Variants in HIF1A observed in about 807,000 individuals in gnomAD.
The protein encoded by HIF1A is hypoxia inducible factor 1 subunit alpha.
HIF1A carries 24 observed loss-of-function variants against 92.7 expected under a neutral mutation model. The observed-to-expected ratio is 0.26, with a 90% CI of 0.19 to 0.36. The LOEUF is 0.36. Ranked by LOEUF, HIF1A falls within the 10% of genes least tolerant of loss-of-function variation. The pLI, the probability that HIF1A is intolerant of heterozygous loss-of-function variation, is 1.00. For synonymous variants in HIF1A, 319 were observed against 338.7 expected (o/e 0.94, Z 0.64); for missense variants, 799 against 998.5 (o/e 0.80, Z 2.69).
intron 10 of HIF1A, 115 bp downstream of exon 10, chr14:61,738,488 G>T: frequency 9.9e-7 from 1 of 1,012,176 alleles, no homozygotes; most frequent in Non-Finnish European, 1.5e-6. Flanking sequence ...TTGTGTGTGT[G>T]TTTGAATTTT....
intron 10 of HIF1A, 64 bp downstream of exon 10, chr14:61,738,437 A>G (rs2044665897): frequency 5.1e-6 from 7 of 1,366,434 alleles, no homozygotes; most frequent in East Asian, 2.3e-5. Context: ...GAATGTATTT[A>G]TAAGTTTGAT....
At chr14:61,737,176 A>C in intron 9 of HIF1A, 67 bp downstream of exon 9, 1 of 1,069,954 alleles carries the variant, frequency 9.3e-7, no homozygotes, top group Admixed American at 2.1e-5. Context: ...TCAACTAAAC[A>C]TTACTTTACG....
chr14:61,720,699 G>A (rs559565934), intron 2 of HIF1A, 127 bp downstream of exon 2: 2 of 481,712 alleles, frequency 4.2e-6, no homozygotes, highest in Non-Finnish European at 6.9e-6. Flanking sequence ...ATATGTACAC[G>A]TTTAAAAATT....
chr14:61,708,541 C>G (rs1407483934), intron 1 of HIF1A, among the ~76,000 whole-genome samples: 1 of 152,166 alleles, frequency 6.6e-6, no homozygotes, highest in Non-Finnish European at 1.5e-5. Flanking sequence ...GTTTTCCCAG[C>G]ACCATTTATT....
In HIF1A at chr14:61,695,811, G is replaced by A. The variant is rs763159088; in HGVS notation, c.7G>A (p.Gly3Ser). ...TCGCGGGGACCGATTCACCATGGAG[G>A]GCGCCGGCGGCGCGAACGACAAGAA... ME[G>S]AGGANDKKKI... The change falls in exon 1 of 15, where the codon GGC becomes AGC. Residue 3 changes from glycine (G) to serine (S), a missense_variant. This residue lies in a region of HIF1A where 516 missense variants were observed against 721.0 expected (regional missense o/e 0.72). Transcript: ENST00000337138. The A allele has an allele frequency of 1.2e-5, 19 of 1,595,814 alleles. No homozygotes were observed. The highest frequency in any genetic ancestry group is 1.8e-5 in the Admixed American group (1 of 56,460).
intron 4 of HIF1A, among the ~76,000 whole-genome samples, chr14:61,725,713 C>T (rs947573444): frequency 8.5e-5 from 13 of 152,134 alleles, no homozygotes; most frequent in Admixed American, 2.6e-4. Context: ...TAAGCCACTG[C>T]GCCCAGCAAG....
At chr14:61,746,224 CAAAA>C (rs912286333) in intron 14 of HIF1A, among the ~76,000 whole-genome samples, 4 of 69,440 alleles carry the variant, frequency 5.8e-5, no homozygotes. Context: ...GACTCTGCCT[CAAAA>C]AAAAAAAAAA....
intron 1 of HIF1A, among the ~76,000 whole-genome samples, chr14:61,706,685 G>A (rs1202377488): frequency 6.6e-6 from 1 of 152,148 alleles, no homozygotes; most frequent in Non-Finnish European, 1.5e-5. Context: ...TTGCTCTATG[G>A]ATTCCCAGGG....
intron 1 of HIF1A, 124 bp downstream of exon 1, chr14:61,695,963 G>C: frequency 1.2e-6 from 1 of 840,732 alleles, no homozygotes; most frequent in Non-Finnish European, 1.8e-6. Context: ...TGTTTCTGCT[G>C]CTGCTCCCCT....
chr14:61,700,085 T>C (rs2044161819), intron 1 of HIF1A, among the ~76,000 whole-genome samples: 1 of 152,164 alleles, frequency 6.6e-6, no homozygotes, highest in Admixed American at 6.5e-5. Flanking sequence ...TTTAAAATTT[T>C]TGTTTCATAA....
chr14:61,708,603 C>T (rs1236174538), intron 1 of HIF1A, among the ~76,000 whole-genome samples: 1 of 116,936 alleles, frequency 8.6e-6, no homozygotes, highest in Non-Finnish European at 2.1e-5. Flanking sequence ...TGTCAAAGAT[C>T]AGATGGTTGT....
intron 4 of HIF1A, among the ~76,000 whole-genome samples, chr14:61,726,007 A>G (rs2044498868): frequency 6.6e-6 from 1 of 151,562 alleles, no homozygotes; most frequent in Admixed American, 6.6e-5. Flanking sequence ...TTTAGTAGAG[A>G]CAGGGTTTCA....
rs2140153899 is a variant in HIF1A at position 61,738,226 on chromosome 14, A to C, written c.1389A>C (p.Arg463=). 6 of 1,614,142 alleles carry C rather than the reference A, an allele frequency of 3.7e-6. No individual in the cohort carries two copies. In the African/African-American group the frequency reaches 6.7e-5, roughly 18 times the overall value. Residue 463 remains arginine (R), a synonymous_variant, in exon 10 of 15, where the codon CGA becomes CGC. Coordinates refer to ENST00000337138, the MANE Select transcript of HIF1A (RefSeq NM_001530.4). The stretch of plus-strand genomic sequence containing the variant: ...CCGCTGAAACGCCAAAGCCACTTCG[A>C]AGTAGTGCTGACCCTGCACTCAATC... ...LPTAETPKPL[R]SSADPALNQE... is the part of the protein sequence containing the mutation.
chr14:61,720,358 GT>G, intron 1 of HIF1A, 23 bp from the exon 2 acceptor site: 1 of 1,569,674 alleles, frequency 6.4e-7, no homozygotes. Flanking sequence ...TCCATCTCGT[GT>G]TTTTCTTGTT....
Position 61,734,134 on chromosome 14 carries a change from C to A in HIF1A, c.881-4C>A. 1 of 1,545,382 alleles carries A rather than the reference C, an allele frequency of 6.5e-7. No homozygotes were observed. The highest frequency in any genetic ancestry group is 8.7e-7 in the Non-Finnish European group (1 of 1,148,432). On this transcript the variant is annotated splice_region_variant and splice_polypyrimidine_tract_variant and intron_variant, in intron 7 of 14. Transcript: ENST00000337138. ...TGCATGATTCTTTTTCTTTTCCCCC[C>A]TAGTGTTTACTAAAGGACAAGTCAC... is the stretch of plus-strand genomic sequence containing the variant.
intron 1 of HIF1A, among the ~76,000 whole-genome samples, chr14:61,719,611 G>A (rs190579655): frequency 6.6e-6 from 1 of 152,294 alleles, no homozygotes; most frequent in African/African-American, 2.4e-5. Flanking sequence ...GTGTGACAAT[G>A]AAAATCTTTC....
rs749595399 is a variant in HIF1A, at chr14:61,741,022, T to G, written c.1927T>G (p.Ser643Ala). 3.7e-6 allele frequency: 6 copies of G among 1,614,078 alleles called. No individual in the cohort carries two copies. Among genetic ancestry groups the G allele is most frequent in the Non-Finnish European group, 5.1e-6 (6 of 1,179,988 alleles). The change falls in exon 12 of 15, where the codon TCT (serine) becomes GCT (alanine). Residue 643 changes from serine (S) to alanine (A), a missense_variant. Physicochemically the swap from Ser to Ala is moderately conservative, Grantham distance 99. Around this residue, in one of 2 missense-constraint regions of HIF1A, gnomAD observed 283 missense variants for 277.5 expected, o/e 1.02. Transcript: ENST00000337138. ...EDIKILIASP[S>A]PTHIHKETTS... ...CATTAAAATATTGATTGCATCTCCATCTCCTACCCACATACATAAAGAAAC... is the reference window on the plus strand; with the variant it reads ...CATTAAAATATTGATTGCATCTCCAGCTCCTACCCACATACATAAAGAAAC...
intron 4 of HIF1A, among the ~76,000 whole-genome samples, chr14:61,724,937 C>T (rs1163128545): frequency 1.3e-5 from 2 of 152,252 alleles, no homozygotes; most frequent in Non-Finnish European, 2.9e-5. Context: ...CTCCGTGGTA[C>T]AGCCCTAACC....
At chr14:61,746,096 C>T (rs1039336312) in intron 14 of HIF1A, among the ~76,000 whole-genome samples, 5 of 151,872 alleles carry the variant, frequency 3.3e-5, no homozygotes, top group Non-Finnish European at 5.9e-5. Context: ...TGGTGGCGGG[C>T]GCCTGTAATC....
Sources: allele counts gnomAD v4.1 joint callset (sites outside exome capture counted in the v4.1 genomes callset), GRCh38; gene constraint gnomAD v4.1.1; regional missense constraint gnomAD v4.1.1; transcripts MANE v1.5; gene names NCBI Gene and HGNC (gene_info 2026-07-23, HGNC 2026-07-21).